Variants in GRIA1 observed in about 807,000 individuals in gnomAD.
GRIA1 encodes glutamate ionotropic receptor AMPA type subunit 1.
In GRIA1, 31 loss-of-function variants were observed where a neutral mutation model predicts 99.2. That is an observed-to-expected ratio of 0.31 (90% CI 0.23 to 0.42). The LOEUF (loss-of-function observed/expected upper bound fraction) is 0.42, where lower values mean the gene tolerates loss of function less well. Among genes scored for constraint, GRIA1 ranks in the 10% least tolerant of loss-of-function variants. GRIA1 has a pLI of 1.00. For synonymous variants in GRIA1, 438 were observed against 432.4 expected, an observed-to-expected ratio of 1.01 and a Z score of -0.16; for missense variants, 782 against 1,157.5, an observed-to-expected ratio of 0.68 and a Z score of 4.71.
At chr5:153,697,823 A>T (rs1758223402) in intron 8 of GRIA1, among the ~76,000 whole-genome samples, 1 of 152,200 alleles carries the variant, frequency 6.6e-6, no homozygotes, top group South Asian at 2.1e-4. Flanking sequence ...TTCCAAACTG[A>T]ACCAATTATT....
intron 2 of GRIA1, chr5:153,573,260 G>T (rs1379244204): frequency 6.6e-6 from 1 of 152,118 alleles, no homozygotes; most frequent in Admixed American, 6.6e-5. Context: ...CCTGCCTGGA[G>T]GACATTTACA....
intron 5 of GRIA1, among the ~76,000 whole-genome samples, chr5:153,670,848 T>G (rs1004519010): frequency 1.3e-5 from 2 of 152,118 alleles, no homozygotes; most frequent in Non-Finnish European, 2.9e-5. Context: ...GCAGGTTCAT[T>G]TTCTTGAATT....
chr5:153,714,681 C>T (rs1035836012), intron 11 of GRIA1, among the ~76,000 whole-genome samples: 1 of 152,206 alleles, frequency 6.6e-6, no homozygotes, highest in Non-Finnish European at 1.5e-5. Context: ...GAAAGCATAA[C>T]TAATTGAATT....
intron 2 of GRIA1, among the ~76,000 whole-genome samples, chr5:153,597,984 C>T (rs1336268083): frequency 6.6e-6 from 1 of 152,056 alleles, no homozygotes; most frequent in African/African-American, 2.4e-5. Flanking sequence ...TACATTCCAG[C>T]CTGGGTGACA....
chr5:153,762,133 T>A lies in GRIA1; in HGVS notation c.1824-2301T>A, dbSNP rs116779405. On this transcript the variant is annotated intron_variant, in intron 11 of 15. Coordinates refer to ENST00000285900, the MANE Select transcript of GRIA1 (RefSeq NM_000827.4). ...AGGGTGACTATATTTAACAATAATG[T>A]ATATTTCAAAATAGCTCAAAGATAA... Among the ~76,000 whole-genome samples, 919 of 152,292 alleles carry A rather than the reference T, an allele frequency of 6.0e-3. 10 individuals are homozygous for A. The highest frequency in any genetic ancestry group is 0.021 in the African/African-American group (878 of 41,548).
At chr5:153,504,930 T>G (rs1743880597) in intron 2 of GRIA1, among the ~76,000 whole-genome samples, 1 of 152,202 alleles carries the variant, frequency 6.6e-6, no homozygotes, top group African/African-American at 2.4e-5. Flanking sequence ...AGTTGGAATC[T>G]TGGCTGCAAA....
At chr5:153,710,639 T>TC (rs1759246417) in intron 11 of GRIA1, among the ~76,000 whole-genome samples, 2 of 152,312 alleles carry the variant, frequency 1.3e-5, no homozygotes, top group Admixed American at 6.5e-5. Context: ...CTGATCCATT[T>TC]CCCCATGTGT....
chr5:153,508,889 A>G (rs1017796082), intron 2 of GRIA1, among the ~76,000 whole-genome samples: 1 of 152,172 alleles, frequency 6.6e-6, no homozygotes, highest in Non-Finnish European at 1.5e-5. Context: ...AGGAGGGTTC[A>G]GGTCTGCCCG....
intron 11 of GRIA1, among the ~76,000 whole-genome samples, chr5:153,732,740 GT>G (rs1473491909): frequency 1.3e-5 from 2 of 151,916 alleles, no homozygotes; most frequent in Admixed American, 6.6e-5. Context: ...AGACTTGCTT[GT>G]TAATTTGTGC....
chr5:153,674,148 G>T (rs1345890619), intron 5 of GRIA1, among the ~76,000 whole-genome samples: 1 of 152,180 alleles, frequency 6.6e-6, no homozygotes, highest in Non-Finnish European at 1.5e-5. Context: ...TGATCACTTG[G>T]TCTGCCCCAT....
At chr5:153,784,982 A>G (rs757501202) in intron 13 of GRIA1, among the ~76,000 whole-genome samples, 32 of 151,906 alleles carry the variant, frequency 2.1e-4, no homozygotes, top group Non-Finnish European at 4.4e-4. Context: ...CAGCAAAAGA[A>G]CCCCGGCTTA....
intron 2 of GRIA1, among the ~76,000 whole-genome samples, chr5:153,631,545 C>T (rs1390678658): frequency 2.0e-5 from 3 of 152,090 alleles, no homozygotes; most frequent in Non-Finnish European, 4.4e-5. Flanking sequence ...GGATGAATCA[C>T]TAAAATCATT....
chr5:153,594,242 T>G (rs557776117), intron 2 of GRIA1, among the ~76,000 whole-genome samples: 4 of 152,336 alleles, frequency 2.6e-5, no homozygotes, highest in African/African-American at 9.6e-5. Context: ...CTGTAAGCTT[T>G]TTCCACCTGA....
intron 7 of GRIA1, among the ~76,000 whole-genome samples, chr5:153,682,641 C>T (rs1405292278): frequency 6.6e-6 from 1 of 152,142 alleles, no homozygotes; most frequent in Non-Finnish European, 1.5e-5. Flanking sequence ...AACCCCGATG[C>T]TTGCTGTTAG....
intron 2 of GRIA1, among the ~76,000 whole-genome samples, chr5:153,496,733 A>G (rs535634117): frequency 6.6e-6 from 1 of 152,310 alleles, no homozygotes; most frequent in African/African-American, 2.4e-5. Flanking sequence ...TTTTAGGAAG[A>G]ATGTACTCAT....
chr5:153,502,563 T>C (rs552820474), intron 2 of GRIA1, among the ~76,000 whole-genome samples: 1 of 152,294 alleles, frequency 6.6e-6, no homozygotes, highest in African/African-American at 2.4e-5. Flanking sequence ...ATCTTCTAAA[T>C]AAAGAATTTC....
At chr5:153,603,823 C>T (rs1438324902) in intron 2 of GRIA1, among the ~76,000 whole-genome samples, 1 of 152,156 alleles carries the variant, frequency 6.6e-6, no homozygotes, top group Non-Finnish European at 1.5e-5. Flanking sequence ...CCAGCCTCAA[C>T]TTTCATCTGT....
chr5:153,491,779 A>T (rs1407779854), intron 1 of GRIA1, among the ~76,000 whole-genome samples: 1 of 151,810 alleles, frequency 6.6e-6, no homozygotes, highest in Non-Finnish European at 1.5e-5. Flanking sequence ...CCATCCTCTC[A>T]ACTTGGAGGC....
At chr5:153,674,351 C>A in intron 5 of GRIA1, 149 bp from the exon 6 acceptor site, 1 of 861,152 alleles carries the variant, frequency 1.2e-6, no homozygotes, top group Non-Finnish European at 1.9e-6. Flanking sequence ...AAGTAATAAT[C>A]AAGTTCAAAG....
Sources: allele counts gnomAD v4.1 joint callset (sites outside exome capture counted in the v4.1 genomes callset), GRCh38; gene constraint gnomAD v4.1.1; transcripts MANE v1.5; gene names NCBI Gene and HGNC (gene_info 2026-07-23, HGNC 2026-07-21).